BANK1: variants seen among roughly 807,000 people sequenced by gnomAD.
The protein encoded by BANK1 is B-cell scaffold protein with ankyrin repeats.
Under a neutral mutation model 94.5 loss-of-function variants are expected in BANK1, and 95 were observed. That is an observed-to-expected ratio of 1.00 (90% CI 0.85 to 1.19). The LOEUF (loss-of-function observed/expected upper bound fraction) is 1.19, where lower values mean the gene tolerates loss of function less well. Ranked by LOEUF, BANK1 falls within the 50% of genes most tolerant of loss-of-function variation. The probability of loss-of-function intolerance (pLI) is 0.00; values close to 1 mark genes in which losing one functional copy is unlikely to be tolerated. For synonymous variants in BANK1, 334 were observed against 308.4 expected, an observed-to-expected ratio of 1.08 and a Z score of -0.87; for missense variants, 987 against 932.2, an observed-to-expected ratio of 1.06 and a Z score of -0.77.
intron 9 of BANK1, among the ~76,000 whole-genome samples, chr4:102,029,400 A>C (rs1312191804): frequency 1.3e-5 from 2 of 151,886 alleles, no homozygotes; most frequent in African/African-American, 4.8e-5. Flanking sequence ...TCAAATGAAA[A>C]AAAAAATCTA....
At chr4:101,940,750 TATCAC>T (rs1723714722) in intron 7 of BANK1, among the ~76,000 whole-genome samples, 1 of 151,796 alleles carries the variant, frequency 6.6e-6, no homozygotes, top group South Asian at 2.1e-4. Flanking sequence ...GGACCATTCT[TATCAC>T]ATCACATCAT....
At chr4:101,837,198 TC>T (rs1479229169) in intron 2 of BANK1, among the ~76,000 whole-genome samples, 26 of 152,192 alleles carry the variant, frequency 1.7e-4, no homozygotes, top group African/African-American at 6.3e-4. Context: ...AATAATCAAT[TC>T]TATCAGTAAA....
intron 10 of BANK1, among the ~76,000 whole-genome samples, chr4:102,033,258 A>C (rs924401862): frequency 3.9e-5 from 6 of 152,106 alleles, no homozygotes; most frequent in Non-Finnish European, 8.8e-5. Context: ...CTTCTGTTCA[A>C]TTTCTCTAAT....
chr4:102,028,752 A>G (rs1174936335), intron 9 of BANK1, among the ~76,000 whole-genome samples: 1 of 152,162 alleles, frequency 6.6e-6, no homozygotes, highest in African/African-American at 2.4e-5. Context: ...TTATAAAAAT[A>G]TGTCAAGATA....
intron 2 of BANK1, among the ~76,000 whole-genome samples, chr4:101,836,703 T>A (rs1194028368): frequency 6.6e-6 from 1 of 152,116 alleles, no homozygotes; most frequent in Non-Finnish European, 1.5e-5. Flanking sequence ...AATCTAATCA[T>A]GAGGAAATAT....
Position 101,965,730 on chromosome 4 carries a change from C to G in BANK1, c.1206+47541C>G, listed in dbSNP as rs1724729416. 2.0e-5 allele frequency among the ~76,000 whole-genome samples: 3 copies of G among 152,030 alleles called. 1 individual carries two copies. Among genetic ancestry groups the G allele is most frequent in the African/African-American group, 7.2e-5 (3 of 41,408 alleles). ...ACAGCTCTCATATTAGTTGGACATT[C>G]ACTGAGGTAGGCCTAGATGCTTGGG... On this transcript the variant is annotated intron_variant, in intron 7 of 16. Transcript: ENST00000322953.
At chr4:101,844,598 G>C (rs780487039) in intron 2 of BANK1, among the ~76,000 whole-genome samples, 1 of 152,202 alleles carries the variant, frequency 6.6e-6, no homozygotes, top group Non-Finnish European at 1.5e-5. Flanking sequence ...AGAGGGTTTG[G>C]AGTCAGACAG....
intron 1 of BANK1, among the ~76,000 whole-genome samples, chr4:101,793,597 T>C (rs552466929): frequency 6.6e-6 from 1 of 152,346 alleles, no homozygotes; most frequent in African/African-American, 2.4e-5. Flanking sequence ...GCCCTACTTA[T>C]GATGGTCTTT....
At chr4:101,984,997 C>G in intron 7 of BANK1, among the ~76,000 whole-genome samples, 1 of 151,856 alleles carries the variant, frequency 6.6e-6, no homozygotes, top group Non-Finnish European at 1.5e-5. Context: ...GAGAACAGAA[C>G]CAATAGGAGA....
At chr4:101,876,295 A>AGAAAAGTGAGG (rs2148883437) in intron 5 of BANK1, among the ~76,000 whole-genome samples, 1 of 152,322 alleles carries the variant, frequency 6.6e-6, no homozygotes, top group South Asian at 2.1e-4. Flanking sequence ...TCTATGCTTG[A>AGAAAAGTGAGG]GAAAAGTGAG....
chr4:101,838,624 T>C (rs1478402659), intron 2 of BANK1, among the ~76,000 whole-genome samples: 3 of 152,212 alleles, frequency 2.0e-5, no homozygotes, highest in Non-Finnish European at 4.4e-5. Context: ...TACTGTCTCT[T>C]ATTATAAAAT....
At chr4:101,832,426 A>AT (rs1197027447) in intron 2 of BANK1, among the ~76,000 whole-genome samples, 7 of 151,936 alleles carry the variant, frequency 4.6e-5, no homozygotes, top group Non-Finnish European at 8.8e-5. Context: ...TTTTTTATGT[A>AT]TTTTGGATTT....
At chr4:101,840,420 C>G (rs928171790) in intron 2 of BANK1, among the ~76,000 whole-genome samples, 1 of 152,262 alleles carries the variant, frequency 6.6e-6, no homozygotes, top group South Asian at 2.1e-4. Flanking sequence ...CCAAAACTGG[C>G]CATAAACAAA....
chr4:101,818,718 T>A (rs1726016462), intron 1 of BANK1, among the ~76,000 whole-genome samples: 1 of 152,130 alleles, frequency 6.6e-6, no homozygotes, highest in Non-Finnish European at 1.5e-5. Context: ...GTTGCTATGC[T>A]CCTACCGTGC....
chr4:101,838,474 GA>G (rs371706322), intron 2 of BANK1, among the ~76,000 whole-genome samples: 200 of 151,884 alleles, frequency 1.3e-3, no homozygotes, highest in African/African-American at 4.5e-3. Flanking sequence ...GCTAAAAGCT[GA>G]TTTTTTTTTA....
Position 102,025,462 on chromosome 4 carries a change from C to G in BANK1, c.1547C>G (p.Pro516Arg). Residue 516 changes from proline (P) to arginine (R), a missense_variant, in exon 9 of 17, where the codon CCT becomes CGT. By Grantham distance (103) the Pro-to-Arg change is moderately radical. Coordinates refer to ENST00000322953, the MANE Select transcript of BANK1 (RefSeq NM_017935.5). ...AGACCTCCTCTCCCCCCGCCGCGAC[C>G]TGTAGCTAATGCCTTCCAACTGGAA... Reference protein sequence around the residue: ...SSRPPLPPPRPVANAFQLERP... With the variant: ...SSRPPLPPPRRVANAFQLERP... The G allele has an allele frequency of 3.7e-6, 6 of 1,614,084 alleles. No individual in the cohort carries two copies. The highest frequency in any genetic ancestry group is 5.1e-6 in the Non-Finnish European group (6 of 1,179,998).
intron 7 of BANK1, among the ~76,000 whole-genome samples, chr4:101,951,467 T>G (rs116124542): frequency 2.0e-5 from 3 of 152,144 alleles, no homozygotes; most frequent in African/African-American, 7.2e-5. Flanking sequence ...CTAAAAACAG[T>G]TGCTTTAACA....
intron 9 of BANK1, among the ~76,000 whole-genome samples, chr4:102,026,329 A>C (rs78546088): frequency 6.6e-6 from 1 of 151,758 alleles, no homozygotes; most frequent in African/African-American, 2.4e-5. Context: ...ATTTATATTT[A>C]TTTTCCAAAT....
intron 11 of BANK1, among the ~76,000 whole-genome samples, chr4:102,054,532 C>T (rs947814595): frequency 1.3e-5 from 2 of 152,058 alleles, no homozygotes; most frequent in Non-Finnish European, 2.9e-5. Context: ...TAAAAAGATA[C>T]AGACTGAAAT....
Sources: gnomAD v4.1 joint callset for allele counts (sites outside exome capture counted in the v4.1 genomes callset) on GRCh38, gnomAD v4.1.1 for gene constraint, MANE v1.5 for transcripts, NCBI Gene and HGNC (gene_info 2026-07-23, HGNC 2026-07-21) for gene names.